Variants in PPP1R12A observed in about 807,000 individuals in gnomAD.
PPP1R12A encodes myosin binding subunit.
A neutral mutation model predicts 139.6 loss-of-function variants in PPP1R12A; 19 were observed. The ratio of observed to expected loss-of-function variants is 0.14; its 90% CI spans 0.09 to 0.20. The LOEUF (loss-of-function observed/expected upper bound fraction) is 0.20, where lower values mean the gene tolerates loss of function less well. Ranked by LOEUF, PPP1R12A falls within the 10% of genes least tolerant of loss-of-function variation. The pLI, the probability that PPP1R12A is intolerant of heterozygous loss-of-function variation, is 1.00. For synonymous variants in PPP1R12A, 427 were observed against 420.6 expected (o/e 1.02, Z -0.19); for missense variants, 925 against 1,211.5 (o/e 0.76, Z 3.51).
At chr12:79,908,064 G>C (rs1476437545) in intron 1 of PPP1R12A, among the ~76,000 whole-genome samples, 4 of 152,138 alleles carry the variant, frequency 2.6e-5, no homozygotes, top group East Asian at 1.9e-4. Flanking sequence ...CTGAAGAACA[G>C]ATTTCTTCAT....
chr12:79,871,519 C>T (rs188177020), intron 2 of PPP1R12A, among the ~76,000 whole-genome samples: 2 of 152,228 alleles, frequency 1.3e-5, no homozygotes, highest in Admixed American at 6.5e-5. Flanking sequence ...AGTTAATCAT[C>T]ACAACAAACC....
intron 18 of PPP1R12A, 73 bp downstream of exon 18, chr12:79,795,565 A>T (rs533000290): frequency 1.4e-6 from 2 of 1,395,002 alleles, no homozygotes; most frequent in East Asian, 4.7e-5. Context: ...AGAAATTATT[A>T]GTATGTATTT....
At chr12:79,882,185 G>T (rs926844501) in intron 1 of PPP1R12A, among the ~76,000 whole-genome samples, 15 of 152,170 alleles carry the variant, frequency 9.9e-5, no homozygotes, top group Non-Finnish European at 4.4e-5. Flanking sequence ...AATACATTTT[G>T]TAATGCTATA....
At chr12:79,913,877 A>C (rs1446653037) in intron 1 of PPP1R12A, 2 of 152,156 alleles carry the variant, frequency 1.3e-5, no homozygotes, top group Non-Finnish European at 2.9e-5. Context: ...GAAGTCTACA[A>C]GGTTAATACT....
At chr12:79,930,439 T>C (rs534505381) in intron 1 of PPP1R12A, among the ~76,000 whole-genome samples, 26 of 151,670 alleles carry the variant, frequency 1.7e-4, no homozygotes, top group African/African-American at 3.9e-4. Flanking sequence ...AGGGAGAGAA[T>C]AGAGGCAGGA....
chr12:79,914,998 C>T (rs1162782072), intron 1 of PPP1R12A, among the ~76,000 whole-genome samples: 4 of 151,992 alleles, frequency 2.6e-5, no homozygotes, highest in African/African-American at 7.2e-5. Flanking sequence ...TTATTTAGGC[C>T]GGTTCCAATG....
Position 79,919,217 on chromosome 12 carries a change from C to A in PPP1R12A, c.237+15478G>T, listed in dbSNP as rs117817294. On this transcript the variant is annotated intron_variant, in intron 1 of 24. Coordinates refer to ENST00000450142, the MANE Select transcript of PPP1R12A (RefSeq NM_002480.3). ...AATCTTCCCTCCCTAACAACCTTGG[C>A]TAACATTTACTCATCGCTGAGCAGC... 1.6e-3 allele frequency among the ~76,000 whole-genome samples: 247 copies of A among 152,118 alleles called. 4 individuals carry two copies. In the East Asian group the frequency reaches 0.043, roughly 26 times the overall value.
At chr12:79,839,611 T>C (rs1200172863) in intron 3 of PPP1R12A, among the ~76,000 whole-genome samples, 3 of 152,172 alleles carry the variant, frequency 2.0e-5, no homozygotes, top group African/African-American at 7.2e-5. Flanking sequence ...CTTGTGATAG[T>C]GAGTGAGTTC....
chr12:79,810,180 C>T (rs1190323995), intron 9 of PPP1R12A, among the ~76,000 whole-genome samples, 170 bp from the exon 10 acceptor site: 1 of 152,038 alleles, frequency 6.6e-6, no homozygotes, highest in Non-Finnish European at 1.5e-5. Flanking sequence ...ATGTAAAGAT[C>T]TAAAAATTTT....
At chr12:79,919,221 C>G (rs910863325) in intron 1 of PPP1R12A, among the ~76,000 whole-genome samples, 3 of 152,042 alleles carry the variant, frequency 2.0e-5, no homozygotes, top group African/African-American at 4.8e-5. Flanking sequence ...CCTTGGCTAA[C>G]ATTTACTCAT....
chr12:79,779,421 A>G (rs928938348), intron 23 of PPP1R12A: 2 of 1,087,562 alleles, frequency 1.8e-6, no homozygotes, highest in African/African-American at 1.6e-5. Context: ...TCTTTCCCAG[A>G]TTAATAAATA....
chr12:79,881,750 G>T (rs761743742), intron 1 of PPP1R12A, among the ~76,000 whole-genome samples: 19 of 152,186 alleles, frequency 1.2e-4, no homozygotes, highest in Non-Finnish European at 2.6e-4. Flanking sequence ...TTTATAGCTT[G>T]AGAGGAGAAA....
At chr12:79,821,027 T>C in intron 7 of PPP1R12A, 51 bp downstream of exon 7, 1 of 1,587,918 alleles carries the variant, frequency 6.3e-7, no homozygotes, top group Non-Finnish European at 8.6e-7. Context: ...CTGTGGCCAC[T>C]ATGCCAACTC....
At chr12:79,803,693 C>G (rs1280840165) in intron 14 of PPP1R12A, among the ~76,000 whole-genome samples, 1 of 152,088 alleles carries the variant, frequency 6.6e-6, no homozygotes, top group African/African-American at 2.4e-5. Context: ...CAAACAATAT[C>G]ACTGCAAACA....
At chr12:79,897,141 A>C (rs1159474086) in intron 1 of PPP1R12A, among the ~76,000 whole-genome samples, 1 of 152,240 alleles carries the variant, frequency 6.6e-6, no homozygotes, top group Admixed American at 6.5e-5. Context: ...CTAGGTGCCC[A>C]TTAATGATGG....
intron 18 of PPP1R12A, among the ~76,000 whole-genome samples, chr12:79,794,572 TTGTTTA>T (rs1872275265): frequency 6.6e-6 from 1 of 151,826 alleles, no homozygotes; most frequent in Non-Finnish European, 1.5e-5. Context: ...CCTAAATATG[TTGTTTA>T]TTAAAAAAAA....
At chr12:79,777,158 T>C (rs985761836) in intron 24 of PPP1R12A, 31 of 744,250 alleles carry the variant, frequency 4.2e-5, no homozygotes, top group Non-Finnish European at 1.1e-5. Flanking sequence ...TCAAAATATA[T>C]TAATTATATG....
At chr12:79,884,650 GA>G (rs1883941284) in intron 1 of PPP1R12A, among the ~76,000 whole-genome samples, 1 of 152,136 alleles carries the variant, frequency 6.6e-6, no homozygotes, top group African/African-American at 2.4e-5. Flanking sequence ...TCAGTTTACT[GA>G]ACCATATAAG....
chr12:79,933,843 T>C (rs1888442964), intron 1 of PPP1R12A, among the ~76,000 whole-genome samples: 2 of 152,222 alleles, frequency 1.3e-5, no homozygotes, highest in South Asian at 4.1e-4. Flanking sequence ...TGACCAGCTT[T>C]CTTTTTTCCC....
Sources: gnomAD v4.1 joint callset for allele counts (sites outside exome capture counted in the v4.1 genomes callset) on GRCh38, gnomAD v4.1.1 for gene constraint, MANE v1.5 for transcripts, NCBI Gene and HGNC (gene_info 2026-07-23, HGNC 2026-07-21) for gene names.